Variants in GPX4 observed in about 807,000 individuals in gnomAD.
GPX4 encodes the protein glutathione peroxidase 4, also known as phospholipid hydroperoxide glutathione peroxidase GPX4.
GPX4 carries 28 observed loss-of-function variants against 27.8 expected under a neutral mutation model. The observed-to-expected ratio is 1.01, with a 90% confidence interval of 0.75 to 1.38. The LOEUF (loss-of-function observed/expected upper bound fraction) is 1.38, where lower values mean the gene tolerates loss of function less well. GPX4 is among the 40% of genes most tolerant of loss of function. The pLI is 0.00. For synonymous variants in GPX4, 163 were observed against 107.8 expected, an observed-to-expected ratio of 1.51 and a Z score of -3.17; for missense variants, 357 against 274.1, an observed-to-expected ratio of 1.30 and a Z score of -2.14.
At chr19:1,105,581 G>A (rs1366069298) in intron 3 of GPX4, 71 bp downstream of exon 3, 1 of 1,600,774 alleles carries the variant, frequency 6.2e-7, no homozygotes, top group Admixed American at 1.7e-5. Flanking sequence ...AGCCTGGAGA[G>A]GGCCTGGGAG....
Position 1,104,106 on chromosome 19 carries a change from G to T in GPX4, c.63G>T (p.Ala21=), listed in dbSNP as rs72550710. The part of the protein sequence containing the change: ...KPALLCGALA[A]PGLAGTMCAS... ...CGCTGCTCTGTGGGGCTCTGGCCGC[G>T]CCTGGCCTGGCCGGGACCATGGTGA... The change falls in exon 1 of 7, where the codon GCG becomes GCT. Residue 21 remains alanine (A), a synonymous_variant. Transcript: ENST00000354171. The T allele has an allele frequency of 5.3e-6, 8 of 1,504,142 alleles. No individual in the cohort carries two copies. Among genetic ancestry groups the T allele is most frequent in the South Asian group, 5.0e-5 (4 of 80,736 alleles). 93.2% of individuals were successfully genotyped at this position (1,504,142 alleles called of 1,614,324 possible). A position where few individuals can be genotyped will look rare whatever the true frequency, so the allele number is the denominator to read the frequency against.
At chr19:1,106,340 A>G (rs762550444) in intron 5 of GPX4, 60 bp from the exon 6 acceptor site, 2 of 1,610,250 alleles carry the variant, frequency 1.2e-6, no homozygotes, top group Non-Finnish European at 1.7e-6. Context: ...AGCGGACAGG[A>G]AGGGCAGCCT....
chr19:1,106,741 C>A lies in GPX4; in HGVS notation c.*169C>A. On this transcript the variant is annotated 3_prime_UTR_variant, in exon 7 of 7. Transcript: ENST00000354171. Reference sequence around the variant, plus strand: ...CCTGCTGGGCTTGGCTCGGCGCCCCCACCCCTGGCTACCTTGTGGGAATAA... The same window carrying A: ...CCTGCTGGGCTTGGCTCGGCGCCCCAACCCCTGGCTACCTTGTGGGAATAA... 1.3e-6 allele frequency: 1 copy of A among 769,360 alleles called. No homozygotes were observed. The highest frequency in any genetic ancestry group is 2.1e-6 in the Non-Finnish European group (1 of 486,678). The allele number at this position is 769,360 out of a possible 1,614,324, so 47.7% of individuals were successfully genotyped here. A position where few individuals can be genotyped will look rare whatever the true frequency, so the allele number is the denominator to read the frequency against.
rs1278999875 is a variant in GPX4 at position 1,106,274 on chromosome 19, G to A, written c.501+8G>A. 1.2e-6 allele frequency: 2 copies of A among 1,606,742 alleles called. No homozygotes were observed. Among genetic ancestry groups the A allele is most frequent in the South Asian group, 2.2e-5 (2 of 90,942 alleles). ...AAGTGGAACTTCACCAAGGTAAGGG[G>A]GCTGTGGGGGGTAGGGGACCAGCTT... On this transcript the variant is annotated splice_region_variant and intron_variant, in intron 5 of 6. Coordinates refer to ENST00000354171, the MANE Select transcript of GPX4 (RefSeq NM_002085.5).
intron 4 of GPX4, 89 bp from the exon 5 acceptor site, chr19:1,106,153 T>C (rs1344331577): frequency 1.6e-6 from 2 of 1,269,250 alleles, no homozygotes; most frequent in East Asian, 2.4e-5. Context: ...CCGGGGAAGC[T>C]CACACCCTTG....
intron 1 of GPX4, 139 bp downstream of exon 1, chr19:1,104,266 C>T (rs2145164517): frequency 1.3e-6 from 1 of 763,674 alleles, no homozygotes; most frequent in Non-Finnish European, 1.9e-6. Flanking sequence ...CCCTCCCCAC[C>T]CCCGGCCGGG....
At chr19:1,106,316 TG>T (rs1328504004) in intron 5 of GPX4, 50 bp downstream of exon 5, 3 of 1,605,980 alleles carry the variant, frequency 1.9e-6, no homozygotes, top group Non-Finnish European at 1.7e-6. Flanking sequence ...GCCACAGCCG[TG>T]GCCCAGATGG....
intron 4 of GPX4, 136 bp downstream of exon 4, chr19:1,105,945 G>T (rs2079647332): frequency 1.8e-6 from 2 of 1,097,028 alleles, no homozygotes; most frequent in Non-Finnish European, 2.6e-6. Context: ...CTCACATCGC[G>T]TGGCCTCCTG....
intron 5 of GPX4, 55 bp downstream of exon 5, chr19:1,106,321 C>T: frequency 6.2e-7 from 1 of 1,606,776 alleles, no homozygotes; most frequent in African/African-American, 1.3e-5. Context: ...AGCCGTGGCC[C>T]AGATGGGCAG....
intron 4 of GPX4, 189 bp from the exon 5 acceptor site, chr19:1,106,027 CTGGGGACAGGATGGCTCGGGGGCCTG>C (rs1383903266): frequency 1.4e-6 from 1 of 699,098 alleles, no homozygotes; most frequent in Non-Finnish European, 2.3e-6. Context: ...TTGTGGCCTC[CTGGGGACAGGATGGCTCGGGGGCCTG>C]TGGGGGGCTG....
intron 1 of GPX4, chr19:1,104,820 G>T: frequency 9.8e-7 from 1 of 1,025,322 alleles, no homozygotes; most frequent in Non-Finnish European, 1.2e-6. Context: ...GCCCCTCGGC[G>T]GCGGAAGGCC....
In GPX4 at chr19:1,105,748, G is replaced by A. The variant is rs536194289; in HGVS notation, c.415G>A (p.Asp139Asn). 2.6e-5 allele frequency: 41 copies of A among 1,595,210 alleles called. No individual in the cohort carries two copies. In the East Asian group the frequency reaches 5.5e-4, roughly 21 times the overall value. ...CAGCAAGATCTGCGTGAACGGGGAC[G>A]ACGCCCACCCGCTGTGGAAGTGGAT... ...MFSKICVNGD[D>N]AHPLWKWMKI... The change falls in exon 4 of 7, where the codon GAC becomes AAC. Residue 139 changes from aspartate (D) to asparagine (N), a missense_variant. Physicochemically the swap from Asp to Asn is conservative, Grantham distance 23 (BLOSUM62 1). Coordinates refer to ENST00000354171, the MANE Select transcript of GPX4 (RefSeq NM_002085.5).
Position 1,104,121 on chromosome 19 carries a change from G to GA in GPX4, c.79dup (p.Thr27AsnfsTer29). ...CTCTGGCCGCGCCTGGCCTGGCCGG[G>GA]ACCATGGTGAGCTAGCGCCGCGGCC... On this transcript the variant is annotated frameshift_variant, in exon 1 of 7. Transcript: ENST00000354171. LOFTEE classifies it high-confidence loss of function. The GA allele has an allele frequency of 6.7e-7, 1 of 1,483,580 alleles. No individual in the cohort carries two copies. The highest frequency in any genetic ancestry group is 8.9e-7 in the Non-Finnish European group (1 of 1,123,606). The allele number at this position is 1,483,580 out of a possible 1,614,324, so 91.9% of individuals were successfully genotyped here. A position where few individuals can be genotyped will look rare whatever the true frequency, so the allele number is the denominator to read the frequency against.
chr19:1,105,627 C>T (rs1018762954), intron 3 of GPX4, 31 bp from the exon 4 acceptor site: 1 of 1,608,834 alleles, frequency 6.2e-7, no homozygotes, highest in African/African-American at 1.3e-5. Context: ...GTGCCAGCCC[C>T]CGACTCACTC....
chr19:1,105,255 C>T lies in GPX4; in HGVS notation c.154C>T (p.His52Tyr). The change falls in exon 2 of 7, where the codon CAC (histidine) becomes TAC (tyrosine). Residue 52 changes from histidine to tyrosine, a missense_variant. Coordinates refer to ENST00000354171, the MANE Select transcript of GPX4 (RefSeq NM_002085.5). ...GTTTTCCGCCAAGGACATCGACGGG[C>T]ACATGGTTAACCTGGACAAGTACCG... is the stretch of plus-strand genomic sequence containing the variant. ...HEFSAKDIDG[H>Y]MVNLDKYRGF... is the part of the protein sequence containing the mutation. The T allele has an allele frequency of 6.2e-7, 1 of 1,613,078 alleles. No homozygotes were observed. The highest frequency in any genetic ancestry group is 1.6e-4 in the Middle Eastern group (1 of 6,062).
At chr19:1,104,733 G>C (rs1217311073) in intron 1 of GPX4, 27 of 985,428 alleles carry the variant, frequency 2.7e-5, no homozygotes, top group Non-Finnish European at 3.1e-5. Flanking sequence ...AGACGGGCGG[G>C]TATGGGCCGC....
intron 4 of GPX4, 36 bp downstream of exon 4, chr19:1,105,845 TGGGGG>T: frequency 4.4e-5 from 4 of 91,736 alleles, no homozygotes; most frequent in Non-Finnish European, 6.8e-5. Context: ...GCTGCTGGGG[TGGGGG>T]TGGGGGGGCT....
rs2079663729 is a variant in GPX4 at position 1,106,703 on chromosome 19, G to A, written c.*131G>A. 6 of 1,280,178 alleles carry A rather than the reference G, an allele frequency of 4.7e-6. No individual in the cohort carries two copies. In the African/African-American group the frequency reaches 7.4e-5, roughly 16 times the overall value. 79.3% of individuals were successfully genotyped at this position (1,280,178 alleles called of 1,614,324 possible). A position where few individuals can be genotyped will look rare whatever the true frequency, so the allele number is the denominator to read the frequency against. ...AAATCCAGCGTGCACCCCGCCGGAG[G>A]AAGGTCCCATGGCCTGCTGGGCTTG... On this transcript the variant is annotated 3_prime_UTR_variant, in exon 7 of 7. Transcript: ENST00000354171.
rs2079648574 is a variant in GPX4, at chr19:1,106,027, C to G, written c.477-215C>G. 1.1e-5 allele frequency: 8 copies of G among 699,098 alleles called. No individual in the cohort carries two copies. In the South Asian group the frequency reaches 1.5e-4, roughly 13 times the overall value. The allele number at this position is 699,098 out of a possible 1,614,324, so 43.3% of individuals were successfully genotyped here. ...GGGATGCCCACACCTTTGTGGCCTC[C>G]TGGGGACAGGATGGCTCGGGGGCCT... On this transcript the variant is annotated intron_variant, in intron 4 of 6. Transcript: ENST00000354171.
Sources: gnomAD v4.1 joint callset for allele counts on GRCh38, gnomAD v4.1.1 for gene constraint, MANE v1.5 for transcripts, NCBI Gene and HGNC (gene_info 2026-07-23, HGNC 2026-07-21) for gene names.